The following ALPK1 variants were observed in gnomAD, a reference collection of about 807,000 sequenced individuals.
ALPK1 encodes alpha-protein kinase 1.
A neutral mutation model predicts 120.6 loss-of-function variants in ALPK1; 110 were observed. That is an observed-to-expected ratio of 0.91 (90% CI 0.78 to 1.07). The LOEUF is 1.07. ALPK1 is among the 50% of genes least tolerant of loss of function. The pLI is 0.00. For synonymous variants in ALPK1, 582 were observed against 560.3 expected (o/e 1.04, Z -0.55); for missense variants, 1,498 against 1,483.9 (o/e 1.01, Z -0.16).
intron 12 of ALPK1, among the ~76,000 whole-genome samples, chr4:112,436,656 A>T (rs1043768134): frequency 6.6e-6 from 1 of 152,234 alleles, no homozygotes; most frequent in African/African-American, 2.4e-5. Flanking sequence ...AAGCTGGGAG[A>T]CAGCCTGAAA....
chr4:112,410,940 C>G (rs1489355811), intron 4 of ALPK1: 1 of 154,702 alleles, frequency 6.5e-6, no homozygotes, highest in Non-Finnish European at 1.5e-5. Flanking sequence ...GTGTCATGAA[C>G]TAATGTGGAA....
intron 2 of ALPK1, among the ~76,000 whole-genome samples, chr4:112,363,076 G>A (rs1730985834): frequency 6.6e-6 from 1 of 152,186 alleles, no homozygotes; most frequent in African/African-American, 2.4e-5. Flanking sequence ...TGCAAGAACT[G>A]CTAAAAGGAG....
rs1434554670 is a variant in ALPK1 at position 112,429,134 on chromosome 4, C to A, written c.796-15C>A. Reference sequence around the variant, plus strand: ...TAATTATCACCATTCCACTTAGCCTCCTGTTTTCTCACAGAGCCTGCTGAA... The same window carrying A: ...TAATTATCACCATTCCACTTAGCCTACTGTTTTCTCACAGAGCCTGCTGAA... On this transcript the variant is annotated splice_polypyrimidine_tract_variant and intron_variant, in intron 9 of 15. Coordinates refer to ENST00000650871, the MANE Select transcript of ALPK1 (RefSeq NM_025144.4). 2.5e-6 allele frequency: 4 copies of A among 1,608,928 alleles called. No homozygotes were observed. In the South Asian group the frequency reaches 4.4e-5, roughly 18 times the overall value.
intron 4 of ALPK1, among the ~76,000 whole-genome samples, chr4:112,398,922 C>T (rs1340960593): frequency 6.6e-6 from 1 of 152,026 alleles, no homozygotes; most frequent in African/African-American, 2.4e-5. Flanking sequence ...AGGTTTTGTC[C>T]TAAGCAAATG....
intron 2 of ALPK1, among the ~76,000 whole-genome samples, chr4:112,367,093 C>T (rs1047756622): frequency 1.3e-5 from 2 of 152,174 alleles, no homozygotes; most frequent in African/African-American, 4.8e-5. Context: ...ACATTGGGTA[C>T]AGTGTACAGT....
intron 2 of ALPK1, among the ~76,000 whole-genome samples, chr4:112,335,820 G>C (rs1729594461): frequency 6.6e-6 from 1 of 152,136 alleles, no homozygotes. Context: ...TCCTGAGGAG[G>C]ACAGGTGCAG....
chr4:112,382,086 C>T (rs550187922), intron 3 of ALPK1, among the ~76,000 whole-genome samples: 1 of 152,238 alleles, frequency 6.6e-6, no homozygotes, highest in Admixed American at 6.5e-5. Flanking sequence ...TCCTTCATTC[C>T]TTTCTCTGAT....
In ALPK1 at chr4:112,433,178, G is replaced by T. The variant is rs921037400; in HGVS notation, c.3034+597G>T. ...GGTTGGTCAAGTGCATCCTCATCTT[G>T]TATTCATGATTCTGTAACAAAATGC... On this transcript the variant is annotated intron_variant, in intron 11 of 15. Coordinates refer to ENST00000650871, the MANE Select transcript of ALPK1 (RefSeq NM_025144.4). Among the ~76,000 whole-genome samples the T allele has an allele frequency of 5.3e-5, 8 of 152,142 alleles. No homozygotes were observed. The East Asian group carries it at 1.3e-3, about 26-fold the overall frequency.
intron 4 of ALPK1, among the ~76,000 whole-genome samples, chr4:112,388,173 T>G (rs1251225070): frequency 6.6e-6 from 1 of 152,250 alleles, no homozygotes; most frequent in East Asian, 1.9e-4. Flanking sequence ...ATTATCTTGG[T>G]GCCTTTGACT....
intron 5 of ALPK1, among the ~76,000 whole-genome samples, chr4:112,421,702 C>T (rs558912398): frequency 6.6e-6 from 1 of 152,182 alleles, no homozygotes; most frequent in South Asian, 2.1e-4. Context: ...TGTCTTCTAC[C>T]CACCGATTTA....
intron 4 of ALPK1, chr4:112,411,047 TAGG>T (rs1351219681): frequency 6.5e-6 from 1 of 154,730 alleles, no homozygotes; most frequent in Non-Finnish European, 1.5e-5. Flanking sequence ...ATAGGAAGGG[TAGG>T]AGAAGGCAAA....
intron 12 of ALPK1, among the ~76,000 whole-genome samples, chr4:112,437,158 A>G (rs75717664): frequency 0.013 from 1,951 of 152,278 alleles, 39 homozygotes; most frequent in African/African-American, 0.044. Context: ...GTCAAAGAAA[A>G]TAGACAGATT....
chr4:112,388,673 C>CA (rs1260393740), intron 4 of ALPK1, among the ~76,000 whole-genome samples: 5 of 149,516 alleles, frequency 3.3e-5, no homozygotes, highest in Non-Finnish European at 7.4e-5. Flanking sequence ...TTCATTCATT[C>CA]AACAAACTTT....
intron 2 of ALPK1, among the ~76,000 whole-genome samples, chr4:112,337,202 A>G (rs534348364): frequency 1.2e-4 from 18 of 152,254 alleles, no homozygotes; most frequent in African/African-American, 4.3e-4. Flanking sequence ...ATATATGTTT[A>G]TGCATTCCCC....
chr4:112,403,480 C>T (rs893155834), intron 4 of ALPK1, among the ~76,000 whole-genome samples: 2 of 152,134 alleles, frequency 1.3e-5, no homozygotes, highest in African/African-American at 2.4e-5. Flanking sequence ...CATTTTGCAT[C>T]GTTAGGTCTT....
chr4:112,377,677 G>C lies in ALPK1; in HGVS notation c.-100-1G>C, dbSNP rs1164624118. 8.7e-7 allele frequency: 1 copy of C among 1,149,584 alleles called. No individual in the cohort carries two copies. The highest frequency in any genetic ancestry group is 1.2e-6 in the Non-Finnish European group (1 of 845,266). 71.2% of individuals were successfully genotyped at this position (1,149,584 alleles called of 1,614,324 possible). A position where few individuals can be genotyped will look rare whatever the true frequency, so the allele number is the denominator to read the frequency against. On this transcript the variant is annotated splice_acceptor_variant, in intron 2 of 15. Transcript: ENST00000650871. LOFTEE classifies it low-confidence loss of function (5UTR_SPLICE). ...ATCTTTCCCTCTCTTTTGTTCACCA[G>C]GTACTTCGGCCTTCAAGGGGCTCCT...
At chr4:112,420,545 C>T (rs78235739) in intron 5 of ALPK1, among the ~76,000 whole-genome samples, 1,798 of 152,236 alleles carry the variant, frequency 0.012, 53 homozygotes, top group East Asian at 0.088. Flanking sequence ...AGACAAGTTA[C>T]CTACCTTCCA....
chr4:112,353,607 C>A (rs1279303133), intron 2 of ALPK1, among the ~76,000 whole-genome samples: 1 of 152,060 alleles, frequency 6.6e-6, no homozygotes. Context: ...GTAGCTTACA[C>A]CTGTAATCTC....
chr4:112,358,066 C>T (rs1254438612), intron 2 of ALPK1: 2 of 584,606 alleles, frequency 3.4e-6, no homozygotes, highest in Non-Finnish European at 6.5e-6. Context: ...TCCATAGCCC[C>T]CACGCATGGA....
Sources: gnomAD v4.1 joint callset for allele counts (sites outside exome capture counted in the v4.1 genomes callset) on GRCh38, gnomAD v4.1.1 for gene constraint, MANE v1.5 for transcripts, NCBI Gene and HGNC (gene_info 2026-07-23, HGNC 2026-07-21) for gene names.